MROH1: variants seen among roughly 807,000 people sequenced by gnomAD.
The protein encoded by MROH1 is maestro heat-like repeat-containing protein family member 1.
Under a neutral mutation model 116.5 loss-of-function variants are expected in MROH1, and 117 were observed. That is an observed-to-expected ratio of 1.00 (90% CI 0.86 to 1.17). MROH1 has a LOEUF of 1.17. Ranked by LOEUF, MROH1 falls within the 50% of genes most tolerant of loss-of-function variation. MROH1 has a pLI of 0.00. For synonymous variants in MROH1, 921 were observed against 583.9 expected (o/e 1.58, Z -8.32); for missense variants, 1,873 against 1,338.5 (o/e 1.40, Z -6.23).
In MROH1 at chr8:144,239,372, C is replaced by A; in HGVS notation, c.1632+9C>A. ...TAACCGGAAGACTGTTGGTGAGCCT[C>A]GCCCTTTCACAGCGTGCCCAGCGCC... On this transcript the variant is annotated intron_variant, in intron 17 of 43. Coordinates refer to ENST00000326134, the MANE Select transcript of MROH1 (RefSeq NM_032450.3). The A allele has an allele frequency of 1.3e-6, 1 of 780,558 alleles. No homozygotes were observed. The highest frequency in any genetic ancestry group is 2.4e-5 in the East Asian group (1 of 41,252). The allele number at this position is 780,558 out of a possible 1,614,324, so 48.4% of individuals were successfully genotyped here.
chr8:144,193,678 G>A (rs1381093186), intron 10 of MROH1, among the ~76,000 whole-genome samples: 1 of 151,758 alleles, frequency 6.6e-6, no homozygotes, highest in African/African-American at 2.4e-5. Flanking sequence ...GCATGATCTC[G>A]GCTCACTGCA....
At chr8:144,210,795 AC>A in intron 12 of MROH1, among the ~76,000 whole-genome samples, 1 of 152,172 alleles carries the variant, frequency 6.6e-6, no homozygotes, top group South Asian at 2.1e-4. Flanking sequence ...TGGAGGCTTG[AC>A]CATTGGTGAT....
chr8:144,212,885 C>T lies in MROH1; in HGVS notation c.1142-7715C>T. On this transcript the variant is annotated intron_variant, in intron 12 of 43. Coordinates refer to ENST00000326134, the MANE Select transcript of MROH1 (RefSeq NM_032450.3). ...GGATTACAGGCATGAGCCACCGCAT[C>T]TAACCTCTTTTCTGTTACGTCTCTA... is the stretch of plus-strand genomic sequence containing the variant. 3 of 653,716 alleles carry T rather than the reference C, an allele frequency of 4.6e-6. No individual in the cohort carries two copies. In the South Asian group the frequency reaches 5.2e-5, roughly 11 times the overall value. The allele number at this position is 653,716 out of a possible 1,614,324, so 40.5% of individuals were successfully genotyped here. A position where few individuals can be genotyped will look rare whatever the true frequency, so the allele number is the denominator to read the frequency against.
At chr8:144,206,765 G>C (rs2132002930) in intron 12 of MROH1, among the ~76,000 whole-genome samples, 1 of 148,694 alleles carries the variant, frequency 6.7e-6, no homozygotes, top group Admixed American at 6.7e-5. Context: ...AGACACGGTG[G>C]CTCACGCCTG....
chr8:144,222,203 G>A (rs913852385), intron 13 of MROH1, among the ~76,000 whole-genome samples: 4 of 152,196 alleles, frequency 2.6e-5, no homozygotes, highest in African/African-American at 9.6e-5. Context: ...AGCCTGGGAA[G>A]GGCAGCTGCC....
chr8:144,175,934 A>G (rs2131215542), intron 4 of MROH1, among the ~76,000 whole-genome samples: 1 of 152,324 alleles, frequency 6.6e-6, no homozygotes, highest in African/African-American at 2.4e-5. Context: ...CTGTAGTTCC[A>G]GCTGCTCAGG....
Position 144,238,833 on chromosome 8 carries a change from G to C in MROH1, c.1416G>C (p.Leu472=). 1 of 774,948 alleles carries C rather than the reference G, an allele frequency of 1.3e-6. No homozygotes were observed. The highest frequency in any genetic ancestry group is 2.4e-6 in the Non-Finnish European group (1 of 417,898). 48.0% of individuals were successfully genotyped at this position (774,948 alleles called of 1,614,324 possible). The change falls in exon 15 of 44, where the codon CTG becomes CTC. Residue 472 remains leucine, a synonymous_variant. Coordinates refer to ENST00000326134, the MANE Select transcript of MROH1 (RefSeq NM_032450.3). ...CCATCAGCGTGCGCACCCTCTACCT[G>C]GTCAGCACCACCGTGGACAGGATGA... ...VRAISVRTLY[L]VSTTVDRMSH... is the part of the protein sequence containing the mutation.
chr8:144,260,159 C>A, intron 38 of MROH1, 27 bp from the exon 39 acceptor site: 1 of 763,572 alleles, frequency 1.3e-6, no homozygotes. Context: ...GACTCTGGGA[C>A]CCAGGCTGAG....
chr8:144,178,611 C>T lies in MROH1; in HGVS notation c.169-844C>T, dbSNP rs143125326. Among the ~76,000 whole-genome samples the T allele has an allele frequency of 6.3e-4, 96 of 152,304 alleles. No individual in the cohort carries two copies. The South Asian group carries it at 7.5e-3, about 12-fold the overall frequency. ...CTCTTTATAGCCATGTGAGAATGGA[C>T]GACAGAGCCTGTGGGCCTCTGGGCC... On this transcript the variant is annotated intron_variant, in intron 4 of 43. Coordinates refer to ENST00000326134, the MANE Select transcript of MROH1 (RefSeq NM_032450.3).
At chr8:144,201,367 A>G (rs2131830997) in intron 12 of MROH1, among the ~76,000 whole-genome samples, 1 of 152,182 alleles carries the variant, frequency 6.6e-6, no homozygotes, top group East Asian at 1.9e-4. Flanking sequence ...CCTTAAGGCT[A>G]ATTGAAGTGA....
At chr8:144,155,332 T>C (rs963780242) in intron 1 of MROH1, among the ~76,000 whole-genome samples, 1 of 152,352 alleles carries the variant, frequency 6.6e-6, no homozygotes, top group Admixed American at 6.5e-5. Flanking sequence ...TGTGCATATA[T>C]ATTTTGATAA....
chr8:144,197,888 A>G (rs1181801486), intron 10 of MROH1, among the ~76,000 whole-genome samples: 1 of 150,478 alleles, frequency 6.6e-6, no homozygotes, highest in Non-Finnish European at 1.5e-5. Flanking sequence ...ATCCAGACCA[A>G]CATGGAGAAA....
intron 14 of MROH1, among the ~76,000 whole-genome samples, chr8:144,237,045 A>G (rs1840161215): frequency 6.6e-6 from 1 of 151,264 alleles, no homozygotes; most frequent in African/African-American, 2.4e-5. Flanking sequence ...AGCTGGGACT[A>G]CAGGCGCCCG....
Position 144,191,708 on chromosome 8 carries a change from C to G in MROH1, c.715-7C>G. On this transcript the variant is annotated splice_polypyrimidine_tract_variant and splice_region_variant and intron_variant, in intron 8 of 43. Transcript: ENST00000326134. ...GCGTAAGCTTCCCGCCCACTGTCCC[C>G]TCTCAGCTCCGTCTTGCCGTGGTGG... 6.2e-7 allele frequency: 1 copy of G among 1,612,118 alleles called. No individual in the cohort carries two copies. The highest frequency in any genetic ancestry group is 1.1e-5 in the South Asian group (1 of 90,798).
At chr8:144,255,803 G>A (rs1040167311) in intron 35 of MROH1, 98 bp downstream of exon 35, 18 of 662,674 alleles carry the variant, frequency 2.7e-5, no homozygotes, top group South Asian at 1.4e-4. Context: ...TCTGAACCAC[G>A]GGGAGTGTGG....
At chr8:144,198,221 G>T (rs1421227479) in intron 10 of MROH1, among the ~76,000 whole-genome samples, 3 of 152,244 alleles carry the variant, frequency 2.0e-5, no homozygotes, top group South Asian at 2.1e-4. Flanking sequence ...ACCTCTTCTG[G>T]CTCATAAGAG....
At chr8:144,179,938 GCTGCTCCTGCGTGTGGGGTCTCCTC>G in intron 5 of MROH1, among the ~76,000 whole-genome samples, 1 of 72,346 alleles carries the variant, frequency 1.4e-5, no homozygotes, top group East Asian at 5.6e-4. Context: ...CCAGGGCTCT[GCTGCTCCTGCGTGTGGGGTCTCCTC>G]AGCAGCCCCT....
At chr8:144,258,712 G>A in intron 35 of MROH1, 65 bp from the exon 36 acceptor site, 4 of 715,498 alleles carry the variant, frequency 5.6e-6, no homozygotes, top group East Asian at 5.3e-5. Context: ...CAGACCTGAG[G>A]AGTTAATCAG....
intron 31 of MROH1, among the ~76,000 whole-genome samples, chr8:144,248,227 A>C (rs1309852700): frequency 2.6e-5 from 4 of 151,892 alleles, no homozygotes; most frequent in Non-Finnish European, 5.9e-5. Context: ...CCCCTCCCCG[A>C]CCCATGCCTG....
Sources: gnomAD v4.1 joint callset for allele counts (sites outside exome capture counted in the v4.1 genomes callset) on GRCh38, gnomAD v4.1.1 for gene constraint, MANE v1.5 for transcripts, NCBI Gene and HGNC (gene_info 2026-07-23, HGNC 2026-07-21) for gene names.